SERPINB12: variants seen among roughly 807,000 people sequenced by gnomAD.
SERPINB12 encodes serpin family B member 12.
In SERPINB12, 57 loss-of-function variants were observed where a neutral mutation model predicts 41.1. The ratio of observed to expected loss-of-function variants is 1.39; its 90% CI spans 1.12 to 1.73. SERPINB12 has a LOEUF of 1.73. Among genes scored for constraint, SERPINB12 ranks in the 40% most tolerant of loss-of-function variants. The probability of loss-of-function intolerance (pLI) is 0.00; values close to 1 mark genes in which losing one functional copy is unlikely to be tolerated. For synonymous variants in SERPINB12, 180 were observed against 181.3 expected (o/e 0.99, Z 0.06); for missense variants, 536 against 501.9 (o/e 1.07, Z -0.65).
the SERPINB12 span, among the ~76,000 whole-genome samples, chr18:63,520,814 A>G: frequency 6.6e-6 from 1 of 152,214 alleles, no homozygotes; most frequent in Non-Finnish European, 1.5e-5. Flanking sequence ...AGGCCATTCT[A>G]CAAGACAAAT....
intron 4 of SERPINB12, 33 bp downstream of exon 4, chr18:63,559,751 C>T (rs1357103776): frequency 6.2e-7 from 1 of 1,610,152 alleles, no homozygotes; most frequent in African/African-American, 1.3e-5. Flanking sequence ...CTAAAGCTAC[C>T]ATGTAGCATA....
Position 63,568,368 on chromosome 18 carries a change from G to A in SERPINB12, c.*1357G>A, listed in dbSNP as rs1296895047. Among the ~76,000 whole-genome samples the A allele has an allele frequency of 1.3e-5, 2 of 152,018 alleles. No homozygotes were observed. The highest frequency in any genetic ancestry group is 6.6e-5 in the Admixed American group (1 of 15,258). ...TGCACTCCAGCCTGGGTGACAGAGC[G>A]AAACCCTGTCTCAAAAAACAAACAA... On this transcript the variant is annotated 3_prime_UTR_variant, in exon 8 of 8. Transcript: ENST00000382768.
chr18:63,566,101 A>G (rs1355583512), intron 7 of SERPINB12, among the ~76,000 whole-genome samples: 1 of 152,220 alleles, frequency 6.6e-6, no homozygotes, highest in African/African-American at 2.4e-5. Context: ...CAGATTGTCC[A>G]GGGGGGTAAA....
chr18:63,523,421 T>G, the SERPINB12 span, among the ~76,000 whole-genome samples: 1 of 152,220 alleles, frequency 6.6e-6, no homozygotes, highest in African/African-American at 2.4e-5. Context: ...TCAGCGTGAT[T>G]GCTTCCGCAT....
intron 1 of SERPINB12, among the ~76,000 whole-genome samples, chr18:63,544,758 G>C (rs1599412386): frequency 3.3e-5 from 5 of 152,182 alleles, no homozygotes; most frequent in African/African-American, 1.2e-4. Context: ...TGTTTTAATA[G>C]ATTTTTTCCT....
Position 63,567,475 on chromosome 18 carries a change from A to G in SERPINB12, c.*464A>G, listed in dbSNP as rs1485632919. Among the ~76,000 whole-genome samples the G allele has an allele frequency of 6.6e-6, 1 of 152,160 alleles. No homozygotes were observed. The highest frequency in any genetic ancestry group is 1.5e-5 in the Non-Finnish European group (1 of 68,028). On this transcript the variant is annotated 3_prime_UTR_variant, in exon 8 of 8. Transcript: ENST00000382768. ...GGAAACTCAGCTCTGTTTCTGGGAT[A>G]GTTATGATTGTGGTCATCACTGGGC... is the stretch of plus-strand genomic sequence containing the variant.
At chr18:63,527,221 G>A in the SERPINB12 span, among the ~76,000 whole-genome samples, 2 of 152,150 alleles carry the variant, frequency 1.3e-5, no homozygotes, top group African/African-American at 4.8e-5. Context: ...AGGCAGGGAA[G>A]CATTTTATAA....
intron 1 of SERPINB12, among the ~76,000 whole-genome samples, chr18:63,550,976 A>G (rs1005966576): frequency 6.6e-6 from 1 of 152,186 alleles, no homozygotes; most frequent in Admixed American, 6.5e-5. Flanking sequence ...ATCATACAGT[A>G]TGAAAGTTTT....
the SERPINB12 span, among the ~76,000 whole-genome samples, chr18:63,523,378 C>G: frequency 6.6e-6 from 1 of 152,126 alleles, no homozygotes; most frequent in African/African-American, 2.4e-5. Flanking sequence ...GTTTCCTAGG[C>G]CAATTACTAA....
chr18:63,536,285 TG>T, the SERPINB12 span, among the ~76,000 whole-genome samples: 1 of 151,788 alleles, frequency 6.6e-6, no homozygotes, highest in Non-Finnish European at 1.5e-5. Flanking sequence ...ATGACAAAAA[TG>T]GAAGAACATT....
At chr18:63,542,696 A>G (rs1199222918) in intron 1 of SERPINB12, among the ~76,000 whole-genome samples, 1 of 152,000 alleles carries the variant, frequency 6.6e-6, no homozygotes, top group Non-Finnish European at 1.5e-5. Context: ...TATATAGGTA[A>G]ATTGCATGCC....
the SERPINB12 span, among the ~76,000 whole-genome samples, chr18:63,520,111 T>C: frequency 6.6e-6 from 1 of 152,170 alleles, no homozygotes; most frequent in Non-Finnish European, 1.5e-5. Context: ...TGTTTTCAGG[T>C]GTGAGGCTCT....
intron 2 of SERPINB12, among the ~76,000 whole-genome samples, chr18:63,557,466 G>A (rs912526734): frequency 6.6e-6 from 1 of 152,160 alleles, no homozygotes; most frequent in Non-Finnish European, 1.5e-5. Context: ...TTCCTTGGAT[G>A]TAGCACATAG....
chr18:63,545,509 A>G (rs1910367487), intron 1 of SERPINB12, among the ~76,000 whole-genome samples: 1 of 152,180 alleles, frequency 6.6e-6, no homozygotes, highest in South Asian at 2.1e-4. Context: ...CACCACACCA[A>G]ATTTTTAGGC....
intron 1 of SERPINB12, among the ~76,000 whole-genome samples, chr18:63,548,027 C>T (rs1034556622): frequency 6.6e-6 from 1 of 152,018 alleles, no homozygotes; most frequent in Non-Finnish European, 1.5e-5. Flanking sequence ...ACCTTCAAGA[C>T]AATTATGATT....
At chr18:63,520,077 A>G in the SERPINB12 span, among the ~76,000 whole-genome samples, 3 of 152,168 alleles carry the variant, frequency 2.0e-5, no homozygotes, top group East Asian at 5.8e-4. Flanking sequence ...CTGTAGTCCA[A>G]ACCAGGGCCT....
intron 1 of SERPINB12, among the ~76,000 whole-genome samples, chr18:63,549,669 AG>A (rs1910475598): frequency 6.6e-6 from 1 of 152,176 alleles, no homozygotes; most frequent in South Asian, 2.1e-4. Context: ...GAATCTTTGG[AG>A]GACAAACTGG....
chr18:63,561,338 C>T, intron 5 of SERPINB12, 136 bp downstream of exon 5: 2 of 602,872 alleles, frequency 3.3e-6, no homozygotes, highest in East Asian at 2.9e-5. Context: ...GCATGGTTTG[C>T]AGAATGAGAT....
intron 1 of SERPINB12, among the ~76,000 whole-genome samples, chr18:63,552,618 A>G (rs1910562680): frequency 6.6e-6 from 1 of 152,112 alleles, no homozygotes; most frequent in African/African-American, 2.4e-5. Context: ...TATGCGTCTT[A>G]AACTCTACTC....
Sources: gnomAD v4.1 joint callset for allele counts (sites outside exome capture counted in the v4.1 genomes callset) on GRCh38, gnomAD v4.1.1 for gene constraint, MANE v1.5 for transcripts, NCBI Gene and HGNC (gene_info 2026-07-23, HGNC 2026-07-21) for gene names.